ITPR1: variants seen among roughly 807,000 people sequenced by gnomAD.
ITPR1 encodes inositol 1,4,5-trisphosphate-gated calcium channel ITPR1.
A neutral mutation model predicts 318.4 loss-of-function variants in ITPR1; 96 were observed. The observed-to-expected ratio is 0.30, with a 90% CI of 0.26 to 0.36. The LOEUF is 0.36. ITPR1 is among the 10% of genes least tolerant of loss of function. ITPR1 has a pLI of 1.00. For missense variants in ITPR1, 2,440 were observed against 3,460.2 expected (o/e 0.71, Z 7.40); for synonymous variants, 1,312 against 1,289.9 (o/e 1.02, Z -0.37).
chr3:4,768,055 A>C (rs1341806229), intron 45 of ITPR1, among the ~76,000 whole-genome samples: 1 of 152,244 alleles, frequency 6.6e-6, no homozygotes, highest in Admixed American at 6.5e-5. Context: ...TGAGGATGAG[A>C]TAAAATAACA....
chr3:4,845,991 C>T, intron 61 of ITPR1, 148 bp from the exon 62 acceptor site: 1 of 466,296 alleles, frequency 2.1e-6, no homozygotes, highest in Non-Finnish European at 3.9e-6. Context: ...TTTTGAAGTG[C>T]TGTGTGTTTG....
At chr3:4,532,646 C>G (rs1483703930) in intron 4 of ITPR1, among the ~76,000 whole-genome samples, 3 of 152,196 alleles carry the variant, frequency 2.0e-5, no homozygotes, top group African/African-American at 7.2e-5. Context: ...ATCGGGATTA[C>G]AGGCATGAGC....
chr3:4,801,946 C>A (rs887916783), intron 54 of ITPR1, among the ~76,000 whole-genome samples: 10 of 152,142 alleles, frequency 6.6e-5, no homozygotes, highest in African/African-American at 2.4e-4. Context: ...TCACCTCATT[C>A]GTGGTTCAGT....
At chr3:4,672,331 T>C (rs1407827038) in intron 20 of ITPR1, among the ~76,000 whole-genome samples, 1 of 152,258 alleles carries the variant, frequency 6.6e-6, no homozygotes, top group Non-Finnish European at 1.5e-5. Flanking sequence ...TAATTTTTGG[T>C]AATTTTATAA....
intron 40 of ITPR1, among the ~76,000 whole-genome samples, chr3:4,722,625 A>G (rs2042242167): frequency 6.6e-6 from 1 of 152,198 alleles, no homozygotes; most frequent in Admixed American, 6.5e-5. Context: ...GCTTATTGCC[A>G]TAAAATAACC....
Position 4,782,602 on chromosome 3 carries a change from C to A in ITPR1, c.6388-17C>A. 2 of 1,595,872 alleles carry A rather than the reference C, an allele frequency of 1.3e-6. No individual in the cohort carries two copies. The highest frequency in any genetic ancestry group is 1.1e-5 in the South Asian group (1 of 87,840). ...TTCCTTGAAACAGGATTTTTGTTCC[C>A]TTGGCTCTTCTTGCAGGTGGAAGTG... is the stretch of plus-strand genomic sequence containing the variant. On this transcript the variant is annotated splice_polypyrimidine_tract_variant and intron_variant, in intron 49 of 61. Transcript: ENST00000649015.
intron 39 of ITPR1, among the ~76,000 whole-genome samples, chr3:4,713,338 T>C (rs2041520723): frequency 6.6e-6 from 1 of 152,228 alleles, no homozygotes; most frequent in South Asian, 2.1e-4. Context: ...TTTCTCTTAT[T>C]TGGAATATCT....
At chr3:4,844,976 C>T (rs2051650270) in intron 61 of ITPR1, among the ~76,000 whole-genome samples, 1 of 152,146 alleles carries the variant, frequency 6.6e-6, no homozygotes, top group South Asian at 2.1e-4. Context: ...AAAATGAGTT[C>T]ATGTGAAAAG....
chr3:4,635,691 T>C (rs1259217980), intron 5 of ITPR1, among the ~76,000 whole-genome samples: 1 of 152,020 alleles, frequency 6.6e-6, no homozygotes, highest in African/African-American at 2.4e-5. Context: ...ATTCTTGGAA[T>C]GTACTTGAGG....
At chr3:4,730,427 C>T (rs2042848248) in intron 42 of ITPR1, among the ~76,000 whole-genome samples, 1 of 146,236 alleles carries the variant, frequency 6.8e-6, no homozygotes, top group African/African-American at 2.5e-5. Flanking sequence ...GTGTTTCCCC[C>T]AGAATGAGCA....
chr3:4,621,374 G>A (rs987739431), intron 4 of ITPR1, among the ~76,000 whole-genome samples: 4 of 152,012 alleles, frequency 2.6e-5, no homozygotes, highest in Non-Finnish European at 4.4e-5. Flanking sequence ...TAGATCTTGC[G>A]AGCACTCACT....
intron 4 of ITPR1, among the ~76,000 whole-genome samples, chr3:4,626,267 C>A (rs562644912): frequency 6.6e-6 from 1 of 151,510 alleles, no homozygotes. Context: ...CAATATAAAA[C>A]AAGTGGAAAG....
At chr3:4,793,077 C>A (rs1004432405) in intron 52 of ITPR1, among the ~76,000 whole-genome samples, 19 of 152,154 alleles carry the variant, frequency 1.2e-4, no homozygotes, top group African/African-American at 4.3e-4. Context: ...CATTGCATGT[C>A]AAGATTGGTC....
Position 4,829,338 on chromosome 3 carries a change from T to C in ITPR1, c.8029-7436T>C, listed in dbSNP as rs376537422. On this transcript the variant is annotated intron_variant, in intron 60 of 61. Coordinates refer to ENST00000649015, the MANE Select transcript of ITPR1 (RefSeq NM_001378452.1). ...CAGAACCTGTGAAATACAGGGATAT[T>C]AATATGCATGTGGTCTGAAGTCACT... Among the ~76,000 whole-genome samples the C allele has an allele frequency of 1.6e-4, 24 of 152,300 alleles. 5 individuals carry two copies. Among genetic ancestry groups the C allele is most frequent in the Admixed American group, 3.3e-4 (5 of 15,310 alleles).
intron 46 of ITPR1, 117 bp from the exon 47 acceptor site, chr3:4,775,125 G>C (rs757974343): frequency 2.6e-6 from 2 of 779,614 alleles, no homozygotes; most frequent in Non-Finnish European, 4.5e-6. Flanking sequence ...GCTCTCCCAC[G>C]TGGCATCTCT....
At position 4,695,893 on chromosome 3, in the gene ITPR1, G is replaced by A. The variant is rs377133863; in HGVS notation, c.4282-1254G>A. Among the ~76,000 whole-genome samples the A allele has an allele frequency of 5.9e-5, 9 of 152,256 alleles. No homozygotes were observed. In the East Asian group the frequency reaches 1.2e-3, roughly 20 times the overall value. On this transcript the variant is annotated intron_variant, in intron 33 of 61. Coordinates refer to ENST00000649015, the MANE Select transcript of ITPR1 (RefSeq NM_001378452.1). ...TCCTGGCCCACATGTGTACACTTCCGTCCAGGGTGTGTGGATAGTCAGAAG... is the reference window on the plus strand; with the variant it reads ...TCCTGGCCCACATGTGTACACTTCCATCCAGGGTGTGTGGATAGTCAGAAG...
intron 60 of ITPR1, among the ~76,000 whole-genome samples, chr3:4,823,920 T>C (rs2049893131): frequency 6.6e-6 from 1 of 152,186 alleles, no homozygotes; most frequent in Non-Finnish European, 1.5e-5. Context: ...TAATTATAGA[T>C]TTCACTTCTA....
intron 13 of ITPR1, among the ~76,000 whole-genome samples, chr3:4,658,877 C>G (rs1013772563): frequency 2.0e-5 from 3 of 152,086 alleles, no homozygotes; most frequent in African/African-American, 7.2e-5. Flanking sequence ...ATGGCTGACA[C>G]TTATTGAGCG....
chr3:4,732,502 T>C (rs1022766811), intron 42 of ITPR1, among the ~76,000 whole-genome samples: 2 of 152,194 alleles, frequency 1.3e-5, no homozygotes, highest in African/African-American at 2.4e-5. Flanking sequence ...TTTTATATAT[T>C]TGATATCTGC....
Sources: allele counts gnomAD v4.1 joint callset (sites outside exome capture counted in the v4.1 genomes callset), GRCh38; gene constraint gnomAD v4.1.1; transcripts MANE v1.5; gene names NCBI Gene and HGNC (gene_info 2026-07-23, HGNC 2026-07-21).